Variants in ELK3 observed in about 807,000 individuals in gnomAD.
ELK3 encodes the protein ETS transcription factor ELK3, also known as ETS domain-containing protein Elk-3.
Under a neutral mutation model 28.9 loss-of-function variants are expected in ELK3, and 10 were observed. The observed-to-expected ratio is 0.35, with a 90% confidence interval of 0.21 to 0.59. The LOEUF is 0.59. Ranked by LOEUF, ELK3 falls within the 20% of genes least tolerant of loss-of-function variation. The pLI is 0.82. For synonymous variants in ELK3, 272 were observed against 243.5 expected (o/e 1.12, Z -1.09); for missense variants, 463 against 517.3 (o/e 0.90, Z 1.02).
In ELK3 at chr12:96,268,136, T is replaced by A. The variant is rs1952055008; in HGVS notation, c.*956T>A. The A allele has an allele frequency of 6.6e-6, 1 of 152,252 alleles. No homozygotes were observed. The highest frequency in any genetic ancestry group is 1.5e-5 in the Non-Finnish European group (1 of 68,024). The allele number at this position is 152,252 out of a possible 1,614,324, so 9.4% of individuals were successfully genotyped here. A position where few individuals can be genotyped will look rare whatever the true frequency, so the allele number is the denominator to read the frequency against. On this transcript the variant is annotated 3_prime_UTR_variant, in exon 5 of 5. Transcript: ENST00000228741. ...AACTATAATTAACATTTAAAAAATC[T>A]AATGCTTTAGAAGAAGCTCACAGAG...
At chr12:96,259,196 G>GTACACCAA (rs2137041974) in intron 3 of ELK3, among the ~76,000 whole-genome samples, 1 of 152,280 alleles carries the variant, frequency 6.6e-6, no homozygotes, top group East Asian at 1.9e-4. Flanking sequence ...GAATGTTTAG[G>GTACACCAA]GAAGGTAATG....
At chr12:96,254,383 A>G (rs1951930688) in intron 3 of ELK3, among the ~76,000 whole-genome samples, 1 of 152,200 alleles carries the variant, frequency 6.6e-6, no homozygotes, top group African/African-American at 2.4e-5. Context: ...ATCTCATTAG[A>G]ATCAACAAAT....
intron 1 of ELK3, among the ~76,000 whole-genome samples, chr12:96,195,496 A>G (rs1382469200): frequency 6.6e-6 from 1 of 152,120 alleles, no homozygotes; most frequent in Non-Finnish European, 1.5e-5. Flanking sequence ...ACTTTTGGGG[A>G]GGCGGGATTA....
At chr12:96,244,901 C>T (rs1951845823) in intron 2 of ELK3, among the ~76,000 whole-genome samples, 1 of 152,080 alleles carries the variant, frequency 6.6e-6, no homozygotes, top group African/African-American at 2.4e-5. Flanking sequence ...ATCTGAGTTT[C>T]CCAAATTTCT....
At position 96,199,749 on chromosome 12, in the gene ELK3, G is replaced by A. The variant is rs193273093; in HGVS notation, c.-3+5044G>A. Among the ~76,000 whole-genome samples the A allele has an allele frequency of 3.9e-5, 6 of 152,208 alleles. No individual in the cohort carries two copies. In the East Asian group the frequency reaches 1.2e-3, roughly 29 times the overall value. On this transcript the variant is annotated intron_variant, in intron 1 of 4. Coordinates refer to ENST00000228741, the MANE Select transcript of ELK3 (RefSeq NM_005230.4). Reference sequence around the variant, plus strand: ...AATTCCCACTAGGAATAAAGTCATTGACTACTTTATTGCTATGTATTAATT... The same window carrying A: ...AATTCCCACTAGGAATAAAGTCATTAACTACTTTATTGCTATGTATTAATT...
At chr12:96,218,180 C>T (rs1384877861) in intron 1 of ELK3, among the ~76,000 whole-genome samples, 1 of 152,106 alleles carries the variant, frequency 6.6e-6, no homozygotes, top group Non-Finnish European at 1.5e-5. Flanking sequence ...TGACCATGGT[C>T]CTGGTCAGTG....
chr12:96,232,141 G>A (rs77132416), intron 2 of ELK3, among the ~76,000 whole-genome samples: 39,186 of 152,182 alleles, frequency 0.26, 6,187 homozygotes, highest in Middle Eastern at 0.37. Flanking sequence ...AGGCAGGGAC[G>A]TGTGGATGAG....
chr12:96,197,564 T>C (rs1951480099), intron 1 of ELK3, among the ~76,000 whole-genome samples: 3 of 152,210 alleles, frequency 2.0e-5, no homozygotes, highest in Admixed American at 2.0e-4. Flanking sequence ...TAACATGCAA[T>C]AATAGAGTGA....
At chr12:96,259,901 G>T in intron 4 of ELK3, 48 bp downstream of exon 4, 2 of 1,531,378 alleles carry the variant, frequency 1.3e-6, no homozygotes, top group South Asian at 1.2e-5. Flanking sequence ...CTGAGGGATG[G>T]TTTTTTCTCT....
At chr12:96,244,965 G>A (rs4762290) in intron 2 of ELK3, among the ~76,000 whole-genome samples, 75,271 of 151,876 alleles carry the variant, frequency 0.5, 19,364 homozygotes, top group East Asian at 0.58. Context: ...GTGTGAGGTC[G>A]CTGGCGTAAA....
At chr12:96,199,041 TTGAAAGAC>T (rs1435027165) in intron 1 of ELK3, among the ~76,000 whole-genome samples, 2 of 152,190 alleles carry the variant, frequency 1.3e-5, no homozygotes, top group African/African-American at 4.8e-5. Flanking sequence ...TGCTGCCCTC[TTGAAAGAC>T]TGAGTTCCTA....
intron 2 of ELK3, among the ~76,000 whole-genome samples, chr12:96,233,016 A>G (rs1951754618): frequency 6.6e-6 from 1 of 152,182 alleles, no homozygotes; most frequent in Non-Finnish European, 1.5e-5. Context: ...TTTCCATTTT[A>G]GAAATAAAAA....
chr12:96,241,731 A>T (rs1269856085), intron 2 of ELK3, among the ~76,000 whole-genome samples: 1 of 152,192 alleles, frequency 6.6e-6, no homozygotes, highest in Non-Finnish European at 1.5e-5. Context: ...TCCCAAAGGG[A>T]CGACTTGCCC....
At chr12:96,249,166 G>A (rs969502602) in intron 3 of ELK3, among the ~76,000 whole-genome samples, 1 of 152,318 alleles carries the variant, frequency 6.6e-6, no homozygotes, top group Middle Eastern at 3.4e-3. Context: ...CCAATAGGTG[G>A]TAGAGGTGGC....
chr12:96,226,514 G>GT (rs1428607675), intron 2 of ELK3, among the ~76,000 whole-genome samples: 2 of 82,508 alleles, frequency 2.4e-5, no homozygotes, highest in Non-Finnish European at 4.7e-5. Context: ...GCACACCCAT[G>GT]CCCACACAGA....
At chr12:96,233,399 G>A (rs1951757550) in intron 2 of ELK3, among the ~76,000 whole-genome samples, 1 of 152,186 alleles carries the variant, frequency 6.6e-6, no homozygotes, top group African/African-American at 2.4e-5. Context: ...GGAAAATGGT[G>A]ATAGGATGAA....
At chr12:96,219,852 G>A (rs1421115563) in intron 1 of ELK3, among the ~76,000 whole-genome samples, 1 of 152,206 alleles carries the variant, frequency 6.6e-6, no homozygotes, top group African/African-American at 2.4e-5. Context: ...TGACTGCCCA[G>A]TCATCGAAAC....
chr12:96,238,129 A>G (rs1368610359), intron 2 of ELK3, among the ~76,000 whole-genome samples: 6 of 152,244 alleles, frequency 3.9e-5, no homozygotes, highest in African/African-American at 9.6e-5. Flanking sequence ...TGCCCACCCA[A>G]GAAATTTTCC....
intron 1 of ELK3, among the ~76,000 whole-genome samples, chr12:96,203,146 G>A (rs930168706): frequency 6.6e-6 from 1 of 152,212 alleles, no homozygotes; most frequent in Non-Finnish European, 1.5e-5. Context: ...TTCCCAAAGT[G>A]CTGGGATTAC....
Sources: gnomAD v4.1 joint callset for allele counts (sites outside exome capture counted in the v4.1 genomes callset) on GRCh38, gnomAD v4.1.1 for gene constraint, MANE v1.5 for transcripts, NCBI Gene and HGNC (gene_info 2026-07-23, HGNC 2026-07-21) for gene names.